CEP63: variants seen among roughly 807,000 people sequenced by gnomAD.
The protein encoded by CEP63 is centrosomal protein of 63 kDa.
CEP63 carries 84 observed loss-of-function variants against 89.1 expected under a neutral mutation model. The observed-to-expected ratio is 0.94, with a 90% CI of 0.79 to 1.13. CEP63 has a LOEUF of 1.13. Among genes scored for constraint, CEP63 ranks in the 50% most tolerant of loss-of-function variants. CEP63 has a pLI of 0.00. For missense variants in CEP63, 838 were observed against 813.3 expected, an observed-to-expected ratio of 1.03 and a Z score of -0.37; for synonymous variants, 267 against 272.5, an observed-to-expected ratio of 0.98 and a Z score of 0.20.
chr3:134,658,118 G>T, the CEP63 span, among the ~76,000 whole-genome samples: 1 of 152,042 alleles, frequency 6.6e-6, no homozygotes, highest in Admixed American at 6.6e-5. Flanking sequence ...GGATAGTCTC[G>T]ATCTCCTGAC....
At chr3:134,771,469 T>C in the CEP63 span, among the ~76,000 whole-genome samples, 3 of 152,170 alleles carry the variant, frequency 2.0e-5, no homozygotes, top group Non-Finnish European at 2.9e-5. Context: ...TAAAACCTGA[T>C]AGCTAGGCCC....
the CEP63 span, among the ~76,000 whole-genome samples, chr3:134,620,172 G>A: frequency 3.0e-4 from 46 of 152,186 alleles, no homozygotes; most frequent in East Asian, 7.4e-3. Context: ...TGCTTGACCC[G>A]GGAGCTTCCC....
chr3:134,611,656 C>CTCA, the CEP63 span, among the ~76,000 whole-genome samples: 2 of 152,244 alleles, frequency 1.3e-5, no homozygotes, highest in Non-Finnish European at 2.9e-5. Context: ...ACACAAGCTG[C>CTCA]TCAGTCCCCA....
intron 2 of CEP63, among the ~76,000 whole-genome samples, chr3:134,503,197 G>A (rs1331769191): frequency 6.7e-6 from 1 of 149,784 alleles, no homozygotes; most frequent in Admixed American, 6.7e-5. Flanking sequence ...TATCCCATAG[G>A]TTTTGGTATG....
intron 3 of CEP63, among the ~76,000 whole-genome samples, chr3:134,508,550 A>G (rs1944039867): frequency 6.6e-6 from 1 of 152,224 alleles, no homozygotes; most frequent in Admixed American, 6.5e-5. Context: ...TTTCTGGTTG[A>G]TAAATAGATT....
At chr3:134,706,637 T>A in the CEP63 span, among the ~76,000 whole-genome samples, 3 of 152,160 alleles carry the variant, frequency 2.0e-5, no homozygotes, top group African/African-American at 7.2e-5. Context: ...TCTCTATGAG[T>A]TTCCTAGGGC....
chr3:134,524,109 G>A (rs184005141), intron 3 of CEP63, among the ~76,000 whole-genome samples: 3 of 152,058 alleles, frequency 2.0e-5, no homozygotes, highest in African/African-American at 7.2e-5. Context: ...CACCTCCCTG[G>A]TTAGCTATAT....
intron 3 of CEP63, 86 bp from the exon 4 acceptor site, chr3:134,531,759 A>G (rs2109045468): frequency 9.8e-7 from 1 of 1,016,968 alleles, no homozygotes; most frequent in East Asian, 2.5e-5. Context: ...TTACAAATAA[A>G]TACAGAGATT....
chr3:134,762,333 T>C, the CEP63 span, among the ~76,000 whole-genome samples: 6 of 152,250 alleles, frequency 3.9e-5, no homozygotes, highest in South Asian at 1.2e-3. Context: ...TGTACCACTT[T>C]CTGGGGCGGT....
chr3:134,530,890 C>T (rs2109022953), intron 3 of CEP63, among the ~76,000 whole-genome samples: 1 of 152,210 alleles, frequency 6.6e-6, no homozygotes, highest in East Asian at 1.9e-4. Context: ...TTGTTTACTC[C>T]CTTGTGTTCC....
chr3:134,711,423 G>C, the CEP63 span, among the ~76,000 whole-genome samples: 1 of 152,088 alleles, frequency 6.6e-6, no homozygotes, highest in Non-Finnish European at 1.5e-5. Context: ...CAGGCCTTCT[G>C]CATACTTGTG....
rs954641532 is a variant in CEP63, at chr3:134,561,890, C to T, written c.*355C>T. The T allele has an allele frequency of 1.7e-4, 180 of 1,065,764 alleles. No individual in the cohort carries two copies. The African/African-American group carries it at 3.0e-3, about 18-fold the overall frequency. 66.0% of individuals were successfully genotyped at this position (1,065,764 alleles called of 1,614,324 possible). ...ATACATGTTGAAAATAAAGTAACTG[C>T]AGGAACTTTCTTTAGGGGAAATGTG... is the stretch of plus-strand genomic sequence containing the variant. On this transcript the variant is annotated 3_prime_UTR_variant, in exon 15 of 15. Transcript: ENST00000675561.
At chr3:134,703,615 G>A in the CEP63 span, among the ~76,000 whole-genome samples, 602 of 152,122 alleles carry the variant, frequency 4.0e-3, 3 homozygotes, top group African/African-American at 0.014. Flanking sequence ...CAGTACACAC[G>A]GGGGCCTGTT....
the CEP63 span, among the ~76,000 whole-genome samples, chr3:134,749,653 G>T: frequency 1.7e-5 from 2 of 119,846 alleles, no homozygotes; most frequent in Non-Finnish European, 3.2e-5. Context: ...CCTCCCCACC[G>T]CTTTGCAACT....
the CEP63 span, chr3:134,607,723 G>A: frequency 2.0e-6 from 2 of 985,864 alleles, no homozygotes; most frequent in South Asian, 4.7e-5. Context: ...ATACTCAGCT[G>A]CCATGGCTCC....
chr3:134,680,471 C>T, the CEP63 span, among the ~76,000 whole-genome samples: 7 of 152,182 alleles, frequency 4.6e-5, no homozygotes, highest in Non-Finnish European at 1.0e-4. Flanking sequence ...CAACCATGTG[C>T]ACATCCAGCT....
At chr3:134,613,899 A>G in the CEP63 span, among the ~76,000 whole-genome samples, 1 of 152,234 alleles carries the variant, frequency 6.6e-6, no homozygotes, top group Non-Finnish European at 1.5e-5. Context: ...CAACTCTTTC[A>G]TGTCATCAAA....
At chr3:134,781,859 G>A in the CEP63 span, among the ~76,000 whole-genome samples, 2 of 151,930 alleles carry the variant, frequency 1.3e-5, no homozygotes, top group East Asian at 3.9e-4. Context: ...CTTTCTTTCT[G>A]TCCTCTCCTT....
the CEP63 span, among the ~76,000 whole-genome samples, chr3:134,594,226 G>A: frequency 6.6e-5 from 10 of 151,984 alleles, no homozygotes; most frequent in African/African-American, 2.4e-4. Context: ...GAGCTGCCAG[G>A]GGCTCCCCAC....
Sources: gnomAD v4.1 joint callset for allele counts (sites outside exome capture counted in the v4.1 genomes callset) on GRCh38, gnomAD v4.1.1 for gene constraint, MANE v1.5 for transcripts, NCBI Gene and HGNC (gene_info 2026-07-23, HGNC 2026-07-21) for gene names.